ESR1: variants seen among roughly 807,000 people sequenced by gnomAD.
ESR1 encodes the protein estrogen receptor 1.
Under a neutral mutation model 52.7 loss-of-function variants are expected in ESR1, and 12 were observed. That is an observed-to-expected ratio of 0.23 (90% CI 0.15 to 0.37). ESR1 has a LOEUF of 0.37. Ranked by LOEUF, ESR1 falls within the 10% of genes least tolerant of loss-of-function variation. ESR1 has a pLI of 1.00. For missense variants in ESR1, 584 were observed against 779.7 expected (o/e 0.75, Z 2.99); for synonymous variants, 305 against 316.8 (o/e 0.96, Z 0.39).
At chr6:151,834,320 T>A (rs897855932) in intron 1 of ESR1, among the ~76,000 whole-genome samples, 3 of 152,154 alleles carry the variant, frequency 2.0e-5, no homozygotes, top group Non-Finnish European at 4.4e-5. Flanking sequence ...AATGATAGAC[T>A]GGATAAAGAA....
intron 2 of ESR1, among the ~76,000 whole-genome samples, chr6:151,773,576 G>A (rs1785694949): frequency 6.6e-6 from 1 of 152,152 alleles, no homozygotes; most frequent in Admixed American, 6.5e-5. Context: ...GCAGGCAACC[G>A]GAGACTTTAC....
In ESR1 at chr6:151,994,900, C is replaced by T. The variant is rs185506632; in HGVS notation, c.1097-16756C>T. ...TCATTGGAAAGATCAATTTCCAAGGCAGGCGTTTTGTCTTGACTTAATAAA... is the reference window on the plus strand; with the variant it reads ...TCATTGGAAAGATCAATTTCCAAGGTAGGCGTTTTGTCTTGACTTAATAAA... On this transcript the variant is annotated intron_variant, in intron 4 of 7. Transcript: ENST00000206249. Among the ~76,000 whole-genome samples, 35 of 152,278 alleles carry T rather than the reference C, an allele frequency of 2.3e-4. No homozygotes were observed. The East Asian group carries it at 5.0e-3, about 22-fold the overall frequency.
intron 1 of ESR1, among the ~76,000 whole-genome samples, chr6:151,822,077 T>C (rs1330659929): frequency 3.9e-5 from 6 of 152,206 alleles, no homozygotes; most frequent in Admixed American, 3.9e-4. Flanking sequence ...AACAAAACTA[T>C]AGCATTTTTT....
intron 4 of ESR1, among the ~76,000 whole-genome samples, chr6:151,959,333 G>A (rs1213558060): frequency 1.3e-5 from 2 of 152,120 alleles, no homozygotes; most frequent in African/African-American, 2.4e-5. Context: ...TAATTGTTAG[G>A]AATCACTGGT....
intron 1 of ESR1, among the ~76,000 whole-genome samples, chr6:151,820,627 A>T (rs1019858451): frequency 6.6e-6 from 1 of 152,202 alleles, no homozygotes; most frequent in South Asian, 2.1e-4. Context: ...AGAAATTGAC[A>T]GGATTTTTCT....
chr6:152,089,114 A>G (rs564689676), intron 6 of ESR1, among the ~76,000 whole-genome samples: 79 of 152,328 alleles, frequency 5.2e-4, no homozygotes, highest in African/African-American at 1.8e-3. Context: ...GAAACAAACA[A>G]ACAAAAAAAC....
Position 151,785,204 on chromosome 6 carries a change from G to A in ESR1, c.-70-22639G>A, listed in dbSNP as rs530647371. Among the ~76,000 whole-genome samples the A allele has an allele frequency of 3.3e-5, 5 of 152,324 alleles. No individual in the cohort carries two copies. In the South Asian group the frequency reaches 1.0e-3, roughly 32 times the overall value. ...CAGTGACCAAGACAGAAAGTGTAAT[G>A]AGCAGGAAAGCACCCCAGTGACAGG... On this transcript the variant is annotated intron_variant, in intron 2 of 2. Transcript: ENST00000404742.
At chr6:151,963,859 A>G (rs982125724) in intron 4 of ESR1, among the ~76,000 whole-genome samples, 7 of 152,224 alleles carry the variant, frequency 4.6e-5, no homozygotes, top group Non-Finnish European at 1.0e-4. Flanking sequence ...TTAATAGGGC[A>G]TAAGTGTCAC....
chr6:152,021,374 G>C (rs370982877), intron 5 of ESR1, among the ~76,000 whole-genome samples: 1 of 152,160 alleles, frequency 6.6e-6, no homozygotes, highest in South Asian at 2.1e-4. Context: ...GGGACCTTCC[G>C]ATCATGTAAG....
intron 5 of ESR1, among the ~76,000 whole-genome samples, chr6:152,034,195 G>A (rs201614455): frequency 3.3e-5 from 5 of 151,446 alleles, no homozygotes; most frequent in African/African-American, 9.7e-5. Flanking sequence ...TGTAAATGAC[G>A]AGTTAATGGG....
downstream of ESR1, among the ~76,000 whole-genome samples, chr6:152,106,215 C>A (rs1447971754): frequency 3.9e-5 from 6 of 152,172 alleles, 1 homozygote. Context: ...TATATTATAT[C>A]TATATATGCT....
intron 4 of ESR1, among the ~76,000 whole-genome samples, chr6:151,975,965 A>G (rs2179922): frequency 0.9 from 136,272 of 152,138 alleles, 61,295 homozygotes; most frequent in Middle Eastern, 0.95. Context: ...CCTGCAGTGT[A>G]CTTGACCTTA....
At chr6:151,920,213 A>G (rs2031338556) in intron 3 of ESR1, among the ~76,000 whole-genome samples, 1 of 152,102 alleles carries the variant, frequency 6.6e-6, no homozygotes, top group South Asian at 2.1e-4. Context: ...TAGCAGCATG[A>G]ATGGTAGAGA....
intron 5 of ESR1, among the ~76,000 whole-genome samples, chr6:152,020,146 C>T (rs1057428604): frequency 5.9e-5 from 9 of 152,240 alleles, no homozygotes; most frequent in Non-Finnish European, 8.8e-5. Context: ...GAAAACCAAT[C>T]GCTGGTTTAT....
At chr6:151,870,585 C>G (rs1409458834) in intron 2 of ESR1, among the ~76,000 whole-genome samples, 1 of 152,198 alleles carries the variant, frequency 6.6e-6, no homozygotes, top group African/African-American at 2.4e-5. Flanking sequence ...AGAACTTGAA[C>G]AAGTGAGTCA....
intron 4 of ESR1, among the ~76,000 whole-genome samples, chr6:151,959,591 T>G (rs1203128497): frequency 6.6e-6 from 1 of 152,168 alleles, no homozygotes; most frequent in African/African-American, 2.4e-5. Flanking sequence ...CCTGCAACCT[T>G]AGAGGTTCCA....
chr6:151,910,560 A>G (rs1193206395), intron 3 of ESR1, among the ~76,000 whole-genome samples: 1 of 152,164 alleles, frequency 6.6e-6, no homozygotes, highest in Non-Finnish European at 1.5e-5. Context: ...GGAGACTTGG[A>G]TTGTGCCACA....
chr6:151,763,407 A>G (rs1583176101), intron 2 of ESR1, among the ~76,000 whole-genome samples: 1 of 152,126 alleles, frequency 6.6e-6, no homozygotes, highest in South Asian at 2.1e-4. Context: ...AGCGATTCCA[A>G]CCCCCAAAGG....
At chr6:151,777,857 G>A (rs978485285) in intron 2 of ESR1, among the ~76,000 whole-genome samples, 5 of 152,208 alleles carry the variant, frequency 3.3e-5, no homozygotes, top group African/African-American at 1.2e-4. Context: ...CTACGTGGGA[G>A]GCTGAGGCAG....
Sources: allele counts gnomAD v4.1 joint callset (sites outside exome capture counted in the v4.1 genomes callset), GRCh38; gene constraint gnomAD v4.1.1; transcripts MANE v1.5; gene names NCBI Gene and HGNC (gene_info 2026-07-23, HGNC 2026-07-21).